ZBTB17: variants seen among roughly 807,000 people sequenced by gnomAD.
The protein encoded by ZBTB17 is zinc finger and BTB domain containing 17, also known as zinc finger and BTB domain-containing protein 17.
In ZBTB17, 24 loss-of-function variants were observed where a neutral mutation model predicts 85.1. The observed-to-expected ratio is 0.28, with a 90% confidence interval of 0.20 to 0.40. The LOEUF is 0.40. Among genes scored for constraint, ZBTB17 ranks in the 10% least tolerant of loss-of-function variants. The pLI is 1.00. For missense variants in ZBTB17, 743 were observed against 1,105.1 expected (o/e 0.67, Z 4.65); for synonymous variants, 464 against 460.2 (o/e 1.01, Z -0.11).
chr1:15,961,860 T>C (rs2072271654), intron 2 of ZBTB17, among the ~76,000 whole-genome samples: 1 of 152,108 alleles, frequency 6.6e-6, no homozygotes. Flanking sequence ...GGTGACGACA[T>C]GGGGTGGGGG....
rs189187671 is a variant in ZBTB17 at position 15,951,815 on chromosome 1, G to A, written c.-2-3318C>T. Among the ~76,000 whole-genome samples the A allele has an allele frequency of 1.5e-4, 23 of 152,232 alleles. No individual in the cohort carries two copies. Among genetic ancestry groups the A allele is most frequent in the Non-Finnish European group, 2.6e-4 (18 of 67,976 alleles). On this transcript the variant is annotated intron_variant, in intron 2 of 15. Coordinates refer to ENST00000375743, the MANE Select transcript of ZBTB17 (RefSeq NM_003443.3). The surrounding 1 kb of genome is among the most constrained non-coding windows in gnomAD (Gnocchi z 4.1). Reference sequence around the variant, plus strand: ...GGTTTGGGAGCGAAGGGGTGTGCAGGTCCTAGGAACATATCCCCTCCTAAG... The same window carrying A: ...GGTTTGGGAGCGAAGGGGTGTGCAGATCCTAGGAACATATCCCCTCCTAAG...
chr1:15,971,632 C>T (rs1477915020), intron 2 of ZBTB17, among the ~76,000 whole-genome samples: 1 of 146,054 alleles, frequency 6.8e-6, no homozygotes, highest in Non-Finnish European at 1.5e-5. Flanking sequence ...ATTTTGCTGA[C>T]AGAAAAAAAA....
rs2072439156 is a variant in ZBTB17, at chr1:15,966,309, T to C, written c.-3+6730A>G. On this transcript the variant is annotated intron_variant, in intron 2 of 15. Transcript: ENST00000375743. The surrounding 1 kb of genome is among the most constrained non-coding windows in gnomAD (Gnocchi z 4.1). ...GAAAGTGACTGCTTAGGTTAATAAGTTCCAGTATAGGAAGTGGTGCGGCTG... is the reference window on the plus strand; with the variant it reads ...GAAAGTGACTGCTTAGGTTAATAAGCTCCAGTATAGGAAGTGGTGCGGCTG... Among the ~76,000 whole-genome samples, 1 of 152,144 alleles carries C rather than the reference T, an allele frequency of 6.6e-6. No individual in the cohort carries two copies. The highest frequency in any genetic ancestry group is 1.5e-5 in the Non-Finnish European group (1 of 68,020).
In ZBTB17 at chr1:15,944,514, C is replaced by T; in HGVS notation, c.1157G>A (p.Gly386Asp). 6.3e-7 allele frequency: 1 copy of T among 1,587,658 alleles called. No individual in the cohort carries two copies. The highest frequency in any genetic ancestry group is 8.5e-7 in the Non-Finnish European group (1 of 1,171,056). ...LLNLHKKRHS[G>D]EARYRCEDCG... ...GTCCTCGCAGCGGTAGCGCGCCTCG[C>T]CCGAGTGCCGCTTCTTGTGCAGGTT... The change falls in exon 9 of 16, where the codon GGC becomes GAC. Residue 386 changes from glycine to aspartate, a missense_variant. Coordinates refer to ENST00000375743, the MANE Select transcript of ZBTB17 (RefSeq NM_003443.3).
chr1:15,971,097 G>A (rs56352596), intron 2 of ZBTB17, among the ~76,000 whole-genome samples: 62,865 of 151,838 alleles, frequency 0.41, 13,277 homozygotes, highest in East Asian at 0.7. Flanking sequence ...TGTGGGGCTG[G>A]CCTCACCTCC....
At chr1:15,954,072 A>T (rs1027607334) in intron 2 of ZBTB17, among the ~76,000 whole-genome samples, 2 of 152,232 alleles carry the variant, frequency 1.3e-5, no homozygotes, top group Non-Finnish European at 2.9e-5. Context: ...TAGCATGAAG[A>T]CAGGGAGGAA....
In ZBTB17 at chr1:15,944,455, T is replaced by C; in HGVS notation, c.1216A>G (p.Lys406Glu). 6.3e-7 allele frequency: 1 copy of C among 1,576,866 alleles called. No individual in the cohort carries two copies. The highest frequency in any genetic ancestry group is 1.9e-5 in the Admixed American group (1 of 53,920). The change falls in exon 9 of 16, where the codon AAG becomes GAG. Residue 406 changes from lysine to glutamate, a missense_variant. Lys to Glu is a moderately conservative substitution (Grantham distance 56). Around this residue, in one of 4 missense-constraint regions of ZBTB17, gnomAD observed 321 missense variants for 615.7 expected, o/e 0.52. Coordinates refer to ENST00000375743, the MANE Select transcript of ZBTB17 (RefSeq NM_003443.3). Reference protein sequence around the residue: ...GKLFTTSGNLKRHQLVHSGEK... With the variant: ...GKLFTTSGNLERHQLVHSGEK... The stretch of plus-strand genomic sequence containing the variant: ...CCGCTGTGCACCAGCTGGTGGCGCT[T>C]GAGGTTGCCCGAGGTGGTGAAGAGC...
At chr1:15,950,370 C>T (rs1051643557) in intron 2 of ZBTB17, among the ~76,000 whole-genome samples, 2 of 152,248 alleles carry the variant, frequency 1.3e-5, no homozygotes, top group African/African-American at 4.8e-5. Context: ...AAGGTGGGTG[C>T]AGAAGGAACC....
At chr1:15,960,578 C>A (rs912323479) in intron 2 of ZBTB17, among the ~76,000 whole-genome samples, 1 of 152,166 alleles carries the variant, frequency 6.6e-6, no homozygotes, top group Non-Finnish European at 1.5e-5. Flanking sequence ...TTACTCCACT[C>A]GACAGGAATC....
chr1:15,965,549 A>T (rs1052151587), intron 2 of ZBTB17, among the ~76,000 whole-genome samples: 13 of 152,240 alleles, frequency 8.5e-5, no homozygotes, highest in Admixed American at 1.3e-4. Context: ...GTTAAGTTGA[A>T]GACGCACATA....
chr1:15,946,601 C>T (rs1464856398), intron 4 of ZBTB17, among the ~76,000 whole-genome samples: 1 of 152,230 alleles, frequency 6.6e-6, no homozygotes, highest in Admixed American at 6.5e-5. Flanking sequence ...CTCTGGAAGT[C>T]TACAGCAAGG....
rs759829222 is a variant in ZBTB17, at chr1:15,945,025, A to G, written c.839T>C (p.Leu280Pro). ...ESAGTDSGQE[L>P]GSEARGLRSG... is the part of the protein sequence containing the mutation. ...GCGCAGGCCCCGGGCCTCGGAGCCG[A>G]GCTCCTGCCCCGAGTCTGTGCCCGC... The change falls in exon 7 of 16, where the codon CTC becomes CCC. Residue 280 changes from leucine (L) to proline (P), a missense_variant. Around this residue, in one of 4 missense-constraint regions of ZBTB17, gnomAD observed 279 missense variants for 269.9 expected, o/e 1.03. Coordinates refer to ENST00000375743, the MANE Select transcript of ZBTB17 (RefSeq NM_003443.3). 6.9e-6 allele frequency: 11 copies of G among 1,604,952 alleles called. No homozygotes were observed. Among genetic ancestry groups the G allele is most frequent in the Non-Finnish European group, 9.3e-6 (11 of 1,177,240 alleles).
chr1:15,959,463 G>A (rs2072168772), intron 2 of ZBTB17, among the ~76,000 whole-genome samples: 1 of 128,556 alleles, frequency 7.8e-6, no homozygotes, highest in Non-Finnish European at 1.6e-5. Flanking sequence ...GAAAGCTAAA[G>A]AACAATGGAG....
chr1:15,960,395 C>G (rs1312075656), intron 2 of ZBTB17, among the ~76,000 whole-genome samples: 1 of 152,176 alleles, frequency 6.6e-6, no homozygotes, highest in Non-Finnish European at 1.5e-5. Context: ...TTGGCTTGAA[C>G]TTGTTCTTAA....
chr1:15,958,613 A>G (rs1485301703), intron 2 of ZBTB17, among the ~76,000 whole-genome samples: 1 of 152,140 alleles, frequency 6.6e-6, no homozygotes, highest in East Asian at 1.9e-4. Context: ...AGTCCACTGC[A>G]AAGTGCCAGG....
intron 3 of ZBTB17, among the ~76,000 whole-genome samples, chr1:15,947,571 C>T (rs2071661562): frequency 6.6e-6 from 1 of 151,744 alleles, no homozygotes; most frequent in South Asian, 2.1e-4. Flanking sequence ...AGTGTGAATG[C>T]CTGCCCTGGA....
chr1:15,942,679 G>A lies in ZBTB17; in HGVS notation c.1888C>T (p.Arg630Cys), dbSNP rs1454650986. ...GRGFNRVDNLRSHVKTVHQGK... is the reference protein window; with the variant it reads ...GRGFNRVDNLCSHVKTVHQGK... Reference sequence around the variant, plus strand: ...TGGTGCACGGTCTTCACGTGGGAGCGCAGGTTGTCTACCCGGTTGAAGCCA... The same window carrying A: ...TGGTGCACGGTCTTCACGTGGGAGCACAGGTTGTCTACCCGGTTGAAGCCA... Residue 630 changes from arginine to cysteine, a missense_variant, in exon 14 of 16, where the codon CGC becomes TGC. Arg to Cys is a radical substitution (Grantham distance 180). This residue lies in a region of ZBTB17 where 321 missense variants were observed against 615.7 expected (regional missense o/e 0.52). Transcript: ENST00000375743. 6.2e-7 allele frequency: 1 copy of A among 1,613,692 alleles called. No individual in the cohort carries two copies. The highest frequency in any genetic ancestry group is 1.7e-5 in the Admixed American group (1 of 60,028).
At chr1:15,944,097 C>T (rs1263193166) in intron 9 of ZBTB17, 8 of 1,010,318 alleles carry the variant, frequency 7.9e-6, no homozygotes, top group Middle Eastern at 2.0e-4. Flanking sequence ...GACCAAACCC[C>T]GCCCTGAGTC....
intron 2 of ZBTB17, among the ~76,000 whole-genome samples, chr1:15,955,960 C>T (rs1194344597): frequency 6.6e-6 from 1 of 152,154 alleles, no homozygotes; most frequent in African/African-American, 2.4e-5. Flanking sequence ...TGCTCTAGGA[C>T]TATGCACAAA....
Sources: gnomAD v4.1 joint callset for allele counts (sites outside exome capture counted in the v4.1 genomes callset) on GRCh38, gnomAD v4.1.1 for gene constraint, gnomAD v4.1.1 regional missense constraint, Gnocchi (gnomAD v3.1) non-coding constraint, MANE v1.5 for transcripts, NCBI Gene and HGNC (gene_info 2026-07-23, HGNC 2026-07-21) for gene names.